Variants in TTC3 observed in about 807,000 individuals in gnomAD.
The protein encoded by TTC3 is E3 ubiquitin-protein ligase TTC3.
TTC3 carries 180 observed loss-of-function variants against 249.6 expected under a neutral mutation model. That is an observed-to-expected ratio of 0.72 (90% CI 0.64 to 0.82). The LOEUF (loss-of-function observed/expected upper bound fraction) is 0.82. Among genes scored for constraint, TTC3 ranks in the 40% least tolerant of loss-of-function variants. The pLI, the probability that TTC3 is intolerant of heterozygous loss-of-function variation, is 0.00. For missense variants in TTC3, 2,061 were observed against 2,398.4 expected (o/e 0.86, Z 2.94); for synonymous variants, 717 against 805.0 (o/e 0.89, Z 1.85).
rs141618903 is a variant in TTC3, at chr21:37,104,588, C to CAAAA, written c.846-3786_846-3783dup. Among the ~76,000 whole-genome samples, 164 of 104,108 alleles carry CAAAA rather than the reference C, an allele frequency of 1.6e-3. 1 individual carries two copies. The highest frequency in any genetic ancestry group is 4.7e-3 in the African/African-American group (125 of 26,796). The allele number at this position is 104,108 out of a possible 152,430, so 68.3% of individuals were successfully genotyped here. A position where few individuals can be genotyped will look rare whatever the true frequency, so the allele number is the denominator to read the frequency against. On this transcript the variant is annotated intron_variant, in intron 10 of 45. Transcript: ENST00000355666. ...CTCGGCGACGAGCAAAACTCCGTCT[C>CAAAA]AAAAAAAAAAAAAAAAAAAAAGAAA... is the stretch of plus-strand genomic sequence containing the variant.
chr21:37,160,932 G>A, intron 30 of TTC3, 74 bp downstream of exon 30: 3 of 1,415,784 alleles, frequency 2.1e-6, no homozygotes, highest in South Asian at 1.3e-5. Flanking sequence ...CATTAGAATT[G>A]AGCAATTCTT....
At chr21:37,151,233 ATT>A (rs1277794295) in intron 25 of TTC3, among the ~76,000 whole-genome samples, 1 of 152,038 alleles carries the variant, frequency 6.6e-6, no homozygotes, top group African/African-American at 2.4e-5. Flanking sequence ...CCAAAAGCAT[ATT>A]TTTCTTTTTA....
intron 26 of TTC3, among the ~76,000 whole-genome samples, chr21:37,152,464 GC>G (rs1349666790): frequency 6.7e-6 from 1 of 148,898 alleles, no homozygotes; most frequent in Non-Finnish European, 1.5e-5. Flanking sequence ...TCGGCTCACT[GC>G]AAGCTCCGCC....
At chr21:37,106,300 C>T in intron 10 of TTC3, among the ~76,000 whole-genome samples, 1 of 152,080 alleles carries the variant, frequency 6.6e-6, no homozygotes, top group Non-Finnish European at 1.5e-5. Context: ...CTTTTGTATT[C>T]TGAATATGAG....
chr21:37,092,275 T>G (rs2073373533), intron 7 of TTC3, among the ~76,000 whole-genome samples: 1 of 152,236 alleles, frequency 6.6e-6, no homozygotes, highest in African/African-American at 2.4e-5. Flanking sequence ...AGGCAAATTT[T>G]GCACTATTGA....
chr21:37,097,834 G>A, intron 10 of TTC3: 2 of 594,018 alleles, frequency 3.4e-6, no homozygotes, highest in Non-Finnish European at 3.1e-6. Flanking sequence ...GTATGGGAGG[G>A]TGGGAGTGGG....
intron 5 of TTC3, among the ~76,000 whole-genome samples, chr21:37,089,739 C>T (rs1174695210): frequency 6.6e-6 from 1 of 152,208 alleles, no homozygotes; most frequent in East Asian, 1.9e-4. Context: ...GTCTCGAACT[C>T]CTGACCTCAG....
At chr21:37,168,352 A>G (rs1300004319) in intron 34 of TTC3, among the ~76,000 whole-genome samples, 2 of 152,200 alleles carry the variant, frequency 1.3e-5, no homozygotes, top group African/African-American at 2.4e-5. Flanking sequence ...ATCATTATTT[A>G]CAGAGGCTAG....
At chr21:37,137,110 C>A (rs571960391) in intron 18 of TTC3, among the ~76,000 whole-genome samples, 1 of 152,286 alleles carries the variant, frequency 6.6e-6, no homozygotes, top group African/African-American at 2.4e-5. Flanking sequence ...GACAATGCAC[C>A]TGATTGCCCA....
At chr21:37,135,605 T>G (rs1425275105) in intron 18 of TTC3, 91 bp downstream of exon 18, 2 of 1,468,522 alleles carry the variant, frequency 1.4e-6, no homozygotes, top group African/African-American at 1.4e-5. Context: ...ATTGTAGTAA[T>G]GTACCTAAGA....
chr21:37,148,373 A>G (rs961841230), intron 22 of TTC3, among the ~76,000 whole-genome samples, 173 bp from the exon 23 acceptor site: 5 of 152,172 alleles, frequency 3.3e-5, no homozygotes, highest in African/African-American at 1.2e-4. Flanking sequence ...TGGTTAGTAA[A>G]TCAGATGAAA....
intron 10 of TTC3, among the ~76,000 whole-genome samples, chr21:37,097,043 C>T (rs180773713): frequency 6.6e-6 from 1 of 152,228 alleles, no homozygotes; most frequent in African/African-American, 2.4e-5. Flanking sequence ...TCTTTATGCT[C>T]TGTTAATTAA....
At position 37,088,784 on chromosome 21, in the gene TTC3, A is replaced by T; in HGVS notation, c.339-15A>T. On this transcript the variant is annotated splice_polypyrimidine_tract_variant and intron_variant, in intron 4 of 45. Transcript: ENST00000355666. The stretch of plus-strand genomic sequence containing the variant: ...ATGAGAATCTAATCTTTTAAAAAAT[A>T]AATTTGTCTTTAAGCAATTCACGTG... 1 of 1,604,088 alleles carries T rather than the reference A, an allele frequency of 6.2e-7. No homozygotes were observed. Among genetic ancestry groups the T allele is most frequent in the East Asian group, 2.2e-5 (1 of 44,740 alleles).
chr21:37,078,222 C>T (rs2071163428), intron 1 of TTC3, among the ~76,000 whole-genome samples: 1 of 152,138 alleles, frequency 6.6e-6, no homozygotes, highest in Non-Finnish European at 1.5e-5. Context: ...TGTGTTCATA[C>T]CACACTGTCT....
At chr21:37,115,174 T>TAATA (rs2076026628) in intron 11 of TTC3, among the ~76,000 whole-genome samples, 2 of 144,500 alleles carry the variant, frequency 1.4e-5, no homozygotes, top group South Asian at 4.3e-4. Context: ...AAACTTAAAG[T>TAATA]ATAATAATAA....
At chr21:37,144,070 A>G (rs1251953404) in intron 20 of TTC3, among the ~76,000 whole-genome samples, 3 of 151,902 alleles carry the variant, frequency 2.0e-5, no homozygotes, top group African/African-American at 7.2e-5. Flanking sequence ...AGGAAGGGGA[A>G]CATCACACAC....
chr21:37,192,929 A>G (rs553145020), intron 41 of TTC3, among the ~76,000 whole-genome samples: 1 of 152,366 alleles, frequency 6.6e-6, no homozygotes, highest in African/African-American at 2.4e-5. Flanking sequence ...TGCTTAGTAA[A>G]TACTAAATTG....
exon 39 of TTC3, chr21:37,188,532 A>G: frequency 6.2e-7 from 1 of 1,614,074 alleles, no homozygotes; most frequent in Non-Finnish European, 8.5e-7. Context: ...AGTGAAGTGT[A>G]TAAGCTACAG....
At position 37,187,261 on chromosome 21, in the gene TTC3, C is replaced by T. The variant is rs181661265; in HGVS notation, c.4923+116C>T. 190 of 726,876 alleles carry T rather than the reference C, an allele frequency of 2.6e-4. No homozygotes were observed. The African/African-American group carries it at 3.1e-3, about 12-fold the overall frequency. 45.0% of individuals were successfully genotyped at this position (726,876 alleles called of 1,614,324 possible). A position where few individuals can be genotyped will look rare whatever the true frequency, so the allele number is the denominator to read the frequency against. ...AAAAGTGTGGTGCATAAAGGATATCCTGTAACCCATAATATATCCTCCCTA... is the reference window on the plus strand; with the variant it reads ...AAAAGTGTGGTGCATAAAGGATATCTTGTAACCCATAATATATCCTCCCTA... On this transcript the variant is annotated intron_variant, in intron 38 of 45. Transcript: ENST00000355666.
Sources: gnomAD v4.1 joint callset for allele counts (sites outside exome capture counted in the v4.1 genomes callset) on GRCh38, gnomAD v4.1.1 for gene constraint, MANE v1.5 for transcripts, NCBI Gene and HGNC (gene_info 2026-07-23, HGNC 2026-07-21) for gene names.